The following HECTD2 variants were observed in gnomAD, a reference collection of about 807,000 sequenced individuals.
HECTD2 encodes probable E3 ubiquitin-protein ligase HECTD2.
HECTD2 carries 35 observed loss-of-function variants against 103.2 expected under a neutral mutation model. The ratio of observed to expected loss-of-function variants is 0.34; its 90% CI spans 0.26 to 0.45. HECTD2 has a LOEUF of 0.45. Ranked by LOEUF, HECTD2 falls within the 20% of genes least tolerant of loss-of-function variation. HECTD2 has a pLI of 1.00. For synonymous variants in HECTD2, 281 were observed against 329.9 expected (o/e 0.85, Z 1.61); for missense variants, 596 against 937.4 (o/e 0.64, Z 4.76).
chr10:91,500,657 G>A lies in HECTD2; in HGVS notation c.2066+40G>A, dbSNP rs764594305. 9 of 929,866 alleles carry A rather than the reference G, an allele frequency of 9.7e-6. No individual in the cohort carries two copies. The South Asian group carries it at 1.2e-4, about 12-fold the overall frequency. 57.6% of individuals were successfully genotyped at this position (929,866 alleles called of 1,614,324 possible). A position where few individuals can be genotyped will look rare whatever the true frequency, so the allele number is the denominator to read the frequency against. ...CTTCTGATAGTGGGGGATGTGGAGA[G>A]GGAACAGCAGACAGTGTGGTTCATT... On this transcript the variant is annotated intron_variant, in intron 19 of 20. Coordinates refer to ENST00000298068, the MANE Select transcript of HECTD2 (RefSeq NM_182765.6).
At chr10:91,478,100 T>C (rs972968167) in intron 5 of HECTD2, 101 bp from the exon 6 acceptor site, 9 of 767,694 alleles carry the variant, frequency 1.2e-5, no homozygotes, top group Middle Eastern at 2.5e-4. Context: ...AGTCATCAAG[T>C]CTGATTTTAA....
At chr10:91,494,208 G>A (rs183131205) in intron 14 of HECTD2, among the ~76,000 whole-genome samples, 1 of 151,856 alleles carries the variant, frequency 6.6e-6, no homozygotes, top group Admixed American at 6.6e-5. Context: ...AAAAGGGGTG[G>A]GGGGGAATTC....
intron 20 of HECTD2, among the ~76,000 whole-genome samples, chr10:91,505,812 G>C (rs1847137688): frequency 6.6e-6 from 1 of 152,274 alleles, no homozygotes; most frequent in Admixed American, 6.5e-5. Flanking sequence ...CAAATCAACA[G>C]AATATACATT....
intron 2 of HECTD2, among the ~76,000 whole-genome samples, chr10:91,450,626 T>C (rs1223340769): frequency 6.6e-6 from 1 of 151,472 alleles, no homozygotes; most frequent in African/African-American, 2.4e-5. Flanking sequence ...AATCTATCCA[T>C]CTGACAAAGG....
At chr10:91,450,591 C>T (rs1230989978) in intron 2 of HECTD2, among the ~76,000 whole-genome samples, 1 of 151,790 alleles carries the variant, frequency 6.6e-6, no homozygotes, top group Non-Finnish European at 1.5e-5. Flanking sequence ...AAGAGGCAGC[C>T]TACAGAATGA....
At chr10:91,465,224 T>C (rs758168184) in intron 5 of HECTD2, among the ~76,000 whole-genome samples, 1 of 152,138 alleles carries the variant, frequency 6.6e-6, no homozygotes, top group Non-Finnish European at 1.5e-5. Flanking sequence ...AAGGGAGATA[T>C]AAATATGGGA....
In HECTD2 at chr10:91,484,563, T is replaced by C; in HGVS notation, c.878T>C (p.Leu293Ser). Residue 293 changes from leucine to serine, a missense_variant, in exon 9 of 21, where the codon TTA (leucine) becomes TCA (serine). This residue lies in a region of HECTD2 where 303 missense variants were observed against 522.5 expected (regional missense o/e 0.58). Transcript: ENST00000298068. The stretch of plus-strand genomic sequence containing the variant: ...GAGAGATTGCTGCAATTTATTTCTT[T>C]ACGCCTGTTTCCTGCAAAGCCTGAA... The part of the protein sequence containing the change: ...LVERLLQFIS[L>S]RLFPAKPEEF... 6.2e-7 allele frequency: 1 copy of C among 1,612,330 alleles called. No homozygotes were observed. The highest frequency in any genetic ancestry group is 8.5e-7 in the Non-Finnish European group (1 of 1,178,776).
chr10:91,438,822 T>G (rs923222442), intron 2 of HECTD2, among the ~76,000 whole-genome samples: 3 of 152,240 alleles, frequency 2.0e-5, no homozygotes, highest in Non-Finnish European at 4.4e-5. Flanking sequence ...ATTTCTCTAA[T>G]GACGAGTGAT....
In HECTD2 at chr10:91,450,223, C is replaced by T. The variant is rs190900163; in HGVS notation, c.269-10204C>T. Among the ~76,000 whole-genome samples the T allele has an allele frequency of 1.8e-4, 28 of 152,220 alleles. No individual in the cohort carries two copies. The East Asian group carries it at 5.0e-3, about 27-fold the overall frequency. On this transcript the variant is annotated intron_variant, in intron 2 of 20. Transcript: ENST00000298068. ...TAGAGACCTCAGAAATAATGCCACA[C>T]ATCTACAGTAATCTGATCTTTGACA...
chr10:91,490,771 G>A (rs1000031444), intron 11 of HECTD2, among the ~76,000 whole-genome samples: 5 of 150,320 alleles, frequency 3.3e-5, no homozygotes, highest in Admixed American at 6.6e-5. Context: ...GGCGCCTGTA[G>A]TCCCAGCTAC....
chr10:91,505,226 G>A (rs1847103380), intron 20 of HECTD2, among the ~76,000 whole-genome samples: 2 of 150,932 alleles, frequency 1.3e-5, no homozygotes, highest in Non-Finnish European at 3.0e-5. Flanking sequence ...AACGAGCAAA[G>A]TAACCAGCTA....
rs564479437 is a variant in HECTD2, at chr10:91,426,888, T to C, written c.268+1478T>C. ...ATTATACTTTAAGTTTTAGGGTACA[T>C]GTGCACAATGTGCAGGTTAGTTACA... On this transcript the variant is annotated intron_variant, in intron 2 of 20. Coordinates refer to ENST00000298068, the MANE Select transcript of HECTD2 (RefSeq NM_182765.6). Among the ~76,000 whole-genome samples the C allele has an allele frequency of 1.5e-4, 23 of 151,728 alleles. No individual in the cohort carries two copies. In the South Asian group the frequency reaches 4.6e-3, roughly 30 times the overall value.
intron 5 of HECTD2, among the ~76,000 whole-genome samples, chr10:91,476,992 A>C (rs1031662275): frequency 4.0e-5 from 6 of 151,194 alleles, no homozygotes; most frequent in African/African-American, 1.5e-4. Flanking sequence ...CATCCTGGCT[A>C]ACAAGGTGAA....
At chr10:91,499,568 A>AAGGGGAGCAAGTTTTTTT (rs1846812281) in intron 18 of HECTD2, among the ~76,000 whole-genome samples, 1 of 152,172 alleles carries the variant, frequency 6.6e-6, no homozygotes, top group African/African-American at 2.4e-5. Flanking sequence ...GCAACTCTGC[A>AAGGGGAGCAAGTTTTTTT]TTGCCTTTTA....
At chr10:91,464,113 G>T (rs972498904) in intron 5 of HECTD2, among the ~76,000 whole-genome samples, 3 of 152,110 alleles carry the variant, frequency 2.0e-5, no homozygotes, top group Admixed American at 6.5e-5. Flanking sequence ...TAGCAATAGG[G>T]TATAAATTCT....
rs778369551 is a variant in HECTD2 at position 91,501,186 on chromosome 10, T to C, written c.2067-5T>C. On this transcript the variant is annotated splice_region_variant and splice_polypyrimidine_tract_variant and intron_variant, in intron 19 of 20. Transcript: ENST00000298068. ...TTGATGTTAATTTCCTTTGGTATTC[T>C]CTAGATACTTTTGGGATGTTGTGCT... 1.9e-6 allele frequency: 3 copies of C among 1,606,718 alleles called. No individual in the cohort carries two copies. Among genetic ancestry groups the C allele is most frequent in the Non-Finnish European group, 2.6e-6 (3 of 1,176,414 alleles).
chr10:91,504,743 C>A (rs1589552427), intron 20 of HECTD2, among the ~76,000 whole-genome samples: 1 of 151,896 alleles, frequency 6.6e-6, no homozygotes, highest in East Asian at 1.9e-4. Context: ...TCTAGCAAGG[C>A]AGGCCAACAT....
intron 2 of HECTD2, among the ~76,000 whole-genome samples, chr10:91,460,022 C>T (rs1198189925): frequency 2.0e-5 from 3 of 152,066 alleles, no homozygotes; most frequent in Non-Finnish European, 4.4e-5. Flanking sequence ...GAATGTGTCT[C>T]CATCATTAAG....
At position 91,513,835 on chromosome 10, in the gene HECTD2, A is replaced by G. The variant is rs1303424769; in HGVS notation, c.*1451A>G. 6.6e-6 allele frequency: 1 copy of G among 152,606 alleles called. No individual in the cohort carries two copies. Among genetic ancestry groups the G allele is most frequent in the African/African-American group, 2.4e-5 (1 of 41,446 alleles). 9.5% of individuals were successfully genotyped at this position (152,606 alleles called of 1,614,324 possible). On this transcript the variant is annotated 3_prime_UTR_variant, in exon 21 of 21. Coordinates refer to ENST00000298068, the MANE Select transcript of HECTD2 (RefSeq NM_182765.6). ...AGAATTCTTCCAGGGTGGAGGAACTAATCAGCTTGTTCTCCAACAGTTCTG... is the reference window on the plus strand; with the variant it reads ...AGAATTCTTCCAGGGTGGAGGAACTGATCAGCTTGTTCTCCAACAGTTCTG...
Sources: gnomAD v4.1 joint callset for allele counts (sites outside exome capture counted in the v4.1 genomes callset) on GRCh38, gnomAD v4.1.1 for gene constraint, gnomAD v4.1.1 regional missense constraint, MANE v1.5 for transcripts, NCBI Gene and HGNC (gene_info 2026-07-23, HGNC 2026-07-21) for gene names.